CPNE4: variants seen among roughly 807,000 people sequenced by gnomAD.
The protein encoded by CPNE4 is copine 4, also known as copine-4.
CPNE4 carries 25 observed loss-of-function variants against 67.9 expected under a neutral mutation model. The ratio of observed to expected loss-of-function variants is 0.37; its 90% CI spans 0.27 to 0.51. The LOEUF (loss-of-function observed/expected upper bound fraction) is 0.51. Ranked by LOEUF, CPNE4 falls within the 20% of genes least tolerant of loss-of-function variation. The pLI, the probability that CPNE4 is intolerant of heterozygous loss-of-function variation, is 0.93. For synonymous variants in CPNE4, 242 were observed against 244.9 expected (o/e 0.99, Z 0.11); for missense variants, 464 against 690.8 (o/e 0.67, Z 3.68).
intron 1 of CPNE4, among the ~76,000 whole-genome samples, chr3:131,927,987 G>C (rs2070944901): frequency 6.6e-6 from 1 of 152,140 alleles, no homozygotes; most frequent in African/African-American, 2.4e-5. Context: ...AAAGCCTAGA[G>C]AAAAATACAC....
In CPNE4 at chr3:131,678,391, T is replaced by A. The variant is rs114735787; in HGVS notation, c.591+7484A>T. On this transcript the variant is annotated intron_variant, in intron 6 of 15. Coordinates refer to ENST00000429747, the MANE Select transcript of CPNE4 (RefSeq NM_130808.3). ...TCATGTCATCTGCAAACAGGGATAG[T>A]TAGACTTCCTCTCTTCCTATTTGAA... 2.3e-3 allele frequency among the ~76,000 whole-genome samples: 357 copies of A among 152,318 alleles called. 2 individuals carry two copies. The highest frequency in any genetic ancestry group is 8.1e-3 in the African/African-American group (337 of 41,578).
chr3:131,956,912 G>T (rs9832018), intron 1 of CPNE4, among the ~76,000 whole-genome samples: 78,664 of 152,026 alleles, frequency 0.52, 21,746 homozygotes, highest in Admixed American at 0.67. Flanking sequence ...CATTAAATTT[G>T]TATACATTTT....
At chr3:132,006,857 C>T (rs1019704928) in intron 1 of CPNE4, among the ~76,000 whole-genome samples, 1 of 152,086 alleles carries the variant, frequency 6.6e-6, no homozygotes, top group African/African-American at 2.4e-5. Context: ...AAGACACCAA[C>T]CTGATACTGT....
intron 2 of CPNE4, among the ~76,000 whole-genome samples, chr3:131,788,253 A>G (rs1426552310): frequency 1.3e-5 from 2 of 151,874 alleles, no homozygotes; most frequent in East Asian, 1.9e-4. Flanking sequence ...AATTGAAAAA[A>G]TATTTTTACC....
At chr3:131,738,907 T>G (rs1420782138) in intron 2 of CPNE4, among the ~76,000 whole-genome samples, 1 of 149,510 alleles carries the variant, frequency 6.7e-6, no homozygotes, top group Non-Finnish European at 1.5e-5. Context: ...CAGGCTAGAG[T>G]GCAGTGGTGC....
intron 1 of CPNE4, among the ~76,000 whole-genome samples, chr3:132,004,364 G>A (rs780952681): frequency 4.1e-4 from 62 of 151,974 alleles, no homozygotes; most frequent in Non-Finnish European, 6.8e-4. Context: ...TAATATTTTG[G>A]TGTATTAATT....
At chr3:131,750,177 G>A (rs777142140) in intron 2 of CPNE4, among the ~76,000 whole-genome samples, 14 of 152,040 alleles carry the variant, frequency 9.2e-5, no homozygotes, top group Non-Finnish European at 1.9e-4. Flanking sequence ...TGACATTTGC[G>A]GGACACATTC....
At position 131,533,998 on chromosome 3, in the gene CPNE4, G is replaced by A. The variant is rs868495424; in HGVS notation, c.*1197C>T. On this transcript the variant is annotated 3_prime_UTR_variant, in exon 16 of 16. Transcript: ENST00000429747. ...CTGCTTATAGAATTTGTTCTCAGAA[G>A]TGATAGAAAGGAGGCAAGAAATTCC... 6.6e-6 allele frequency: 1 copy of A among 152,336 alleles called. No homozygotes were observed. The highest frequency in any genetic ancestry group is 1.5e-5 in the Non-Finnish European group (1 of 68,026). The allele number at this position is 152,336 out of a possible 1,614,324, so 9.4% of individuals were successfully genotyped here. A position where few individuals can be genotyped will look rare whatever the true frequency, so the allele number is the denominator to read the frequency against.
intron 7 of CPNE4, among the ~76,000 whole-genome samples, chr3:131,640,956 C>G (rs2107794192): frequency 6.6e-6 from 1 of 152,206 alleles, no homozygotes; most frequent in Admixed American, 6.5e-5. Flanking sequence ...GGATAATTGG[C>G]AAGCCACATG....
At chr3:131,957,214 C>A (rs994664927) in intron 1 of CPNE4, among the ~76,000 whole-genome samples, 4 of 152,184 alleles carry the variant, frequency 2.6e-5, no homozygotes, top group African/African-American at 9.7e-5. Flanking sequence ...CTAGGGCATC[C>A]TCCAAACTGC....
chr3:131,567,943 C>T (rs1473602213), intron 10 of CPNE4, among the ~76,000 whole-genome samples: 1 of 151,894 alleles, frequency 6.6e-6, no homozygotes, highest in Non-Finnish European at 1.5e-5. Context: ...TCAGTCAGGC[C>T]TCTAGGGTTT....
intron 6 of CPNE4, among the ~76,000 whole-genome samples, chr3:131,676,941 T>C (rs1269966070): frequency 6.6e-6 from 1 of 152,180 alleles, no homozygotes; most frequent in Non-Finnish European, 1.5e-5. Flanking sequence ...CTCGAGGTTT[T>C]TGAGGAATCA....
intron 2 of CPNE4, among the ~76,000 whole-genome samples, chr3:131,821,191 G>T (rs912485787): frequency 1.3e-5 from 2 of 152,188 alleles, no homozygotes; most frequent in African/African-American, 2.4e-5. Context: ...TTGATAAAGA[G>T]TAATGTATTT....
rs115598084 is a variant in CPNE4, at chr3:131,548,828, T to C, written c.1302+1119A>G. ...GTATGATGAGAAGTATTAGAGAATT[T>C]AGAACAAAGGAATGCTGCAATACTA... On this transcript the variant is annotated intron_variant, in intron 14 of 15. Transcript: ENST00000429747. Among the ~76,000 whole-genome samples the C allele has an allele frequency of 8.1e-3, 1,239 of 152,290 alleles. 24 individuals are homozygous for C. The highest frequency in any genetic ancestry group is 0.028 in the African/African-American group (1,179 of 41,580).
At position 131,868,471 on chromosome 3, in the gene CPNE4, T is replaced by C. The variant is rs543013554; in HGVS notation, c.180+36793A>G. ...CAAAAGGATAAAGAACCTTGATTCC[T>C]AGTGACTCCATGCATCTGCTTTAGC... On this transcript the variant is annotated intron_variant, in intron 2 of 15. Coordinates refer to ENST00000429747, the MANE Select transcript of CPNE4 (RefSeq NM_130808.3). 2.0e-4 allele frequency among the ~76,000 whole-genome samples: 30 copies of C among 152,342 alleles called. No individual in the cohort carries two copies. The South Asian group carries it at 4.1e-3, about 21-fold the overall frequency.
chr3:131,717,239 G>T (rs2081720867), intron 3 of CPNE4, among the ~76,000 whole-genome samples: 3 of 143,386 alleles, frequency 2.1e-5, no homozygotes, highest in South Asian at 2.3e-4. Context: ...CTCAACAAAG[G>T]TTTTTTTTTT....
chr3:131,918,852 A>G (rs943116993), intron 1 of CPNE4, among the ~76,000 whole-genome samples: 1 of 152,254 alleles, frequency 6.6e-6, no homozygotes, highest in Admixed American at 6.5e-5. Context: ...CATGAAACAC[A>G]TTAGAAGACA....
chr3:131,666,718 A>C (rs4854775), intron 7 of CPNE4, among the ~76,000 whole-genome samples: 43,851 of 152,028 alleles, frequency 0.29, 6,594 homozygotes, highest in Middle Eastern at 0.33. Context: ...TCAAGTTCTA[A>C]ATATGCATTT....
chr3:131,546,817 C>T (rs1935867169), intron 14 of CPNE4, among the ~76,000 whole-genome samples: 1 of 152,102 alleles, frequency 6.6e-6, no homozygotes, highest in African/African-American at 2.4e-5. Flanking sequence ...CCAGGGAGCC[C>T]TTAGGGATGC....
Sources: gnomAD v4.1 joint callset for allele counts (sites outside exome capture counted in the v4.1 genomes callset) on GRCh38, gnomAD v4.1.1 for gene constraint, MANE v1.5 for transcripts, NCBI Gene and HGNC (gene_info 2026-07-23, HGNC 2026-07-21) for gene names.